TRAPPC9: variants seen among roughly 807,000 people sequenced by gnomAD.
TRAPPC9 encodes IKK2 binding protein.
TRAPPC9 carries 83 observed loss-of-function variants against 124.0 expected under a neutral mutation model. The observed-to-expected ratio is 0.67, with a 90% CI of 0.56 to 0.80. TRAPPC9 has a LOEUF of 0.80. Ranked by LOEUF, TRAPPC9 falls within the 30% of genes least tolerant of loss-of-function variation. The pLI is 0.00. For missense variants in TRAPPC9, 1,302 were observed against 1,508.3 expected (o/e 0.86, Z 2.27); for synonymous variants, 638 against 617.5 (o/e 1.03, Z -0.49).
intron 17 of TRAPPC9, among the ~76,000 whole-genome samples, chr8:140,171,886 TA>T (rs2061973716): frequency 6.6e-6 from 1 of 152,194 alleles, no homozygotes; most frequent in Admixed American, 6.5e-5. Flanking sequence ...CCGAGGGTGC[TA>T]GGGGTCACCA....
intron 7 of TRAPPC9, among the ~76,000 whole-genome samples, chr8:140,386,446 C>G (rs572051606): frequency 6.6e-6 from 1 of 152,300 alleles, no homozygotes; most frequent in African/African-American, 2.4e-5. Flanking sequence ...TCTCCTTAAG[C>G]TGATAAGCAA....
chr8:140,419,210 G>C (rs1201625579), intron 5 of TRAPPC9, among the ~76,000 whole-genome samples: 13 of 151,184 alleles, frequency 8.6e-5, no homozygotes, highest in Admixed American at 7.9e-4. Flanking sequence ...GGGTGGATCA[G>C]GAGGTCAGGA....
At position 140,097,548 on chromosome 8, in the gene TRAPPC9, C is replaced by T. The variant is rs11776129; in HGVS notation, c.2557-73469G>A. On this transcript the variant is annotated intron_variant, in intron 17 of 22. Transcript: ENST00000438773. The surrounding 1 kb of genome is among the most constrained non-coding windows in gnomAD (Gnocchi z 4.2). The stretch of plus-strand genomic sequence containing the variant: ...TGCCACAGTCTACAAGGCAAGAACG[C>T]CCGTCTGGGTCCGTAGTGTGCAGCC... 0.045 allele frequency: 6,883 copies of T among 152,420 alleles called. 172 individuals carry two copies. The highest frequency in any genetic ancestry group is 0.065 in the Middle Eastern group (19 of 294). 9.4% of individuals were successfully genotyped at this position (152,420 alleles called of 1,614,324 possible).
chr8:140,455,073 T>C (rs1588390562), intron 1 of TRAPPC9, among the ~76,000 whole-genome samples: 2 of 152,094 alleles, frequency 1.3e-5, no homozygotes, highest in East Asian at 3.9e-4. Flanking sequence ...AAACCAGCAA[T>C]CCAAGAGATC....
intron 2 of TRAPPC9, among the ~76,000 whole-genome samples, chr8:140,441,766 T>C (rs1186976945): frequency 1.3e-5 from 2 of 152,224 alleles, no homozygotes; most frequent in Non-Finnish European, 2.9e-5. Flanking sequence ...GGTCTCACCA[T>C]GTTGCCCAGG....
intron 2 of TRAPPC9, among the ~76,000 whole-genome samples, chr8:140,444,035 C>CAAAAA (rs35121401): frequency 2.0e-4 from 8 of 40,920 alleles, no homozygotes; most frequent in Admixed American, 3.6e-4. Context: ...GACTCCATCT[C>CAAAAA]AAAAAAAAAA....
At chr8:140,217,059 T>C (rs993845993) in intron 17 of TRAPPC9, among the ~76,000 whole-genome samples, 24 of 152,198 alleles carry the variant, frequency 1.6e-4, no homozygotes, top group African/African-American at 5.5e-4. Flanking sequence ...GCCCCTGAAA[T>C]CCATCACTGT....
At chr8:139,784,639 A>ATATATATG (rs1822091680) in intron 21 of TRAPPC9, among the ~76,000 whole-genome samples, 1 of 144,040 alleles carries the variant, frequency 6.9e-6, no homozygotes, top group Admixed American at 6.9e-5. Context: ...ATATATATAT[A>ATATATATG]TATATAAATC....
intron 17 of TRAPPC9, among the ~76,000 whole-genome samples, chr8:140,101,886 G>C (rs989865687): frequency 2.0e-5 from 3 of 147,702 alleles, no homozygotes; most frequent in Non-Finnish European, 4.5e-5. Flanking sequence ...TTTTCTTTTT[G>C]GTAAATTTTG....
At chr8:140,217,700 T>C (rs781036023) in intron 17 of TRAPPC9, among the ~76,000 whole-genome samples, 48 of 152,204 alleles carry the variant, frequency 3.2e-4, no homozygotes, top group East Asian at 1.9e-4. Flanking sequence ...GGGCCCACAC[T>C]AGTGAGCAAG....
At chr8:140,400,160 T>C (rs947436521) in intron 6 of TRAPPC9, among the ~76,000 whole-genome samples, 4 of 152,204 alleles carry the variant, frequency 2.6e-5, no homozygotes, top group Non-Finnish European at 5.9e-5. Context: ...CTTTTGTAAA[T>C]TGCCAGTCTC....
chr8:140,443,002 A>C (rs1051998716), intron 2 of TRAPPC9, among the ~76,000 whole-genome samples: 1 of 150,438 alleles, frequency 6.6e-6, no homozygotes, highest in Non-Finnish European at 1.5e-5. Flanking sequence ...GCATGGTGGC[A>C]CGTGCCTGTA....
At chr8:139,913,603 CTTGTG>C (rs1831899695) in intron 19 of TRAPPC9, among the ~76,000 whole-genome samples, 1 of 152,216 alleles carries the variant, frequency 6.6e-6, no homozygotes, top group Admixed American at 6.5e-5. Context: ...AGGCCTGCTG[CTTGTG>C]TTAACGGCCA....
At chr8:139,774,462 C>T (rs1452201754) in intron 21 of TRAPPC9, among the ~76,000 whole-genome samples, 1 of 152,138 alleles carries the variant, frequency 6.6e-6, no homozygotes, top group East Asian at 1.9e-4. Context: ...AGCTTTATCT[C>T]CTCCCCCAAC....
intron 21 of TRAPPC9, among the ~76,000 whole-genome samples, chr8:139,878,393 T>C (rs1304758886): frequency 6.6e-6 from 1 of 152,226 alleles, no homozygotes; most frequent in Non-Finnish European, 1.5e-5. Flanking sequence ...TTTTTATCTA[T>C]GTTTTCTGAT....
At chr8:140,436,512 T>C (rs1280521990) in intron 3 of TRAPPC9, among the ~76,000 whole-genome samples, 2 of 152,222 alleles carry the variant, frequency 1.3e-5, no homozygotes, top group Non-Finnish European at 2.9e-5. Context: ...GGATCTTCTA[T>C]CAGCTTCTAC....
intron 17 of TRAPPC9, among the ~76,000 whole-genome samples, chr8:140,038,596 G>A (rs530720591): frequency 9.8e-5 from 15 of 152,326 alleles, no homozygotes; most frequent in South Asian, 2.1e-4. Context: ...ATCAAGTGGC[G>A]AGACGGAAGC....
At chr8:140,152,681 A>C (rs993237296) in intron 17 of TRAPPC9, among the ~76,000 whole-genome samples, 2 of 152,080 alleles carry the variant, frequency 1.3e-5, no homozygotes, top group Admixed American at 6.6e-5. Context: ...TTGCCATCTT[A>C]ATAATATTAA....
At chr8:140,276,513 C>T (rs1357490364) in intron 14 of TRAPPC9, among the ~76,000 whole-genome samples, 1 of 152,120 alleles carries the variant, frequency 6.6e-6, no homozygotes, top group East Asian at 1.9e-4. Flanking sequence ...AGGGCCTCCC[C>T]GAGGCTCCTG....
Sources: gnomAD v4.1 joint callset for allele counts (sites outside exome capture counted in the v4.1 genomes callset) on GRCh38, gnomAD v4.1.1 for gene constraint, Gnocchi (gnomAD v3.1) non-coding constraint, MANE v1.5 for transcripts, NCBI Gene and HGNC (gene_info 2026-07-23, HGNC 2026-07-21) for gene names.